The following AXDND1 variants were observed in gnomAD, a reference collection of about 807,000 sequenced individuals.
AXDND1 encodes axonemal dynein light chain domain containing 1, also known as axonemal dynein light chain domain-containing protein 1.
In AXDND1, 110 loss-of-function variants were observed where a neutral mutation model predicts 137.5. The observed-to-expected ratio is 0.80, with a 90% CI of 0.69 to 0.94. AXDND1 has a LOEUF of 0.94. AXDND1 is among the 40% of genes least tolerant of loss of function. The probability of loss-of-function intolerance (pLI) is 0.00; values close to 1 mark genes in which losing one functional copy is unlikely to be tolerated. For synonymous variants in AXDND1, 414 were observed against 399.7 expected, an observed-to-expected ratio of 1.04 and a Z score of -0.43; for missense variants, 1,191 against 1,169.8, an observed-to-expected ratio of 1.02 and a Z score of -0.26.
rs561888623 is a variant in AXDND1 at position 179,471,539 on chromosome 1, A to T, written c.1997+2898A>T. On this transcript the variant is annotated intron_variant, in intron 17 of 25. Transcript: ENST00000367618. ...TAATCCTTTTTATTTCTGAAAGAAG[A>T]TCAGTGCTAGCATCCCTTCTCTCGT... 5.9e-5 allele frequency among the ~76,000 whole-genome samples: 9 copies of T among 152,340 alleles called. No homozygotes were observed. In the South Asian group the frequency reaches 1.5e-3, roughly 25 times the overall value.
At chr1:179,390,712 C>T (rs2125123872) in intron 9 of AXDND1, among the ~76,000 whole-genome samples, 1 of 152,070 alleles carries the variant, frequency 6.6e-6, no homozygotes, top group Middle Eastern at 3.4e-3. Flanking sequence ...ATTGTTCACT[C>T]ACTTGTATGG....
At chr1:179,450,103 A>G (rs1163607182) in intron 16 of AXDND1, 2 of 145,370 alleles carry the variant, frequency 1.4e-5, no homozygotes, top group Non-Finnish European at 3.0e-5. Flanking sequence ...GCCTGGGTTC[A>G]AGCGATTCTC....
intron 16 of AXDND1, among the ~76,000 whole-genome samples, chr1:179,459,707 T>G (rs1002723588): frequency 6.8e-6 from 1 of 147,502 alleles, no homozygotes; most frequent in Non-Finnish European, 1.5e-5. Flanking sequence ...TTCTTTCCTT[T>G]CTTTCTTTTT....
chr1:179,369,896 C>T (rs1667862533), intron 3 of AXDND1, 79 bp from the exon 4 acceptor site: 1 of 1,096,424 alleles, frequency 9.1e-7, no homozygotes. Flanking sequence ...AAATACAGTA[C>T]TTACTCAAAA....
At chr1:179,549,004 A>G (rs1672922207) in intron 25 of AXDND1, 1 of 152,180 alleles carries the variant, frequency 6.6e-6, no homozygotes, top group Non-Finnish European at 1.5e-5. Flanking sequence ...AGTGTGCCAT[A>G]GACTTCTCCC....
At chr1:179,425,779 G>A (rs1656454672) in intron 12 of AXDND1, among the ~76,000 whole-genome samples, 1 of 132,066 alleles carries the variant, frequency 7.6e-6, no homozygotes, top group South Asian at 2.7e-4. Context: ...GACAGAGTTA[G>A]ACCCTGTCTC....
At chr1:179,426,026 G>A (rs1335035014) in intron 12 of AXDND1, among the ~76,000 whole-genome samples, 4 of 151,876 alleles carry the variant, frequency 2.6e-5, no homozygotes, top group Non-Finnish European at 5.9e-5. Flanking sequence ...TGGTAGAGAC[G>A]GGGTTTTACC....
Position 179,379,870 on chromosome 1 carries a change from C to A in AXDND1, c.581+388C>A, listed in dbSNP as rs113231247. On this transcript the variant is annotated intron_variant, in intron 6 of 25. Transcript: ENST00000367618. ...TTCCTCCTTCCCATACATAGAAGAACCTGAGAATAGTACACTCATATTCCT... is the reference window on the plus strand; with the variant it reads ...TTCCTCCTTCCCATACATAGAAGAAACTGAGAATAGTACACTCATATTCCT... Among the ~76,000 whole-genome samples, 603 of 150,912 alleles carry A rather than the reference C, an allele frequency of 4.0e-3. 2 individuals are homozygous for A. The highest frequency in any genetic ancestry group is 0.014 in the African/African-American group (566 of 41,086).
At chr1:179,503,036 G>A (rs971318840) in intron 20 of AXDND1, among the ~76,000 whole-genome samples, 26 of 151,744 alleles carry the variant, frequency 1.7e-4, no homozygotes, top group Middle Eastern at 3.4e-3. Context: ...CGGAGGTTGC[G>A]GTGAGGTGAG....
intron 9 of AXDND1, among the ~76,000 whole-genome samples, chr1:179,387,706 T>C (rs1463634426): frequency 6.6e-6 from 1 of 152,196 alleles, no homozygotes; most frequent in Non-Finnish European, 1.5e-5. Context: ...CAGTGCCCAA[T>C]TTAGGGCTAA....
intron 21 of AXDND1, among the ~76,000 whole-genome samples, chr1:179,519,163 A>G (rs576319409): frequency 7.2e-5 from 11 of 152,282 alleles, no homozygotes; most frequent in African/African-American, 2.6e-4. Context: ...TTTTTCTCAT[A>G]TGATTATTGG....
chr1:179,543,679 C>T (rs1672378531), intron 25 of AXDND1: 1 of 152,146 alleles, frequency 6.6e-6, no homozygotes, highest in African/African-American at 2.4e-5. Flanking sequence ...GATGTTCTTT[C>T]TCTTCTTCAC....
intron 22 of AXDND1, among the ~76,000 whole-genome samples, chr1:179,526,489 C>A (rs1192102571): frequency 2.0e-5 from 3 of 152,092 alleles, no homozygotes; most frequent in Non-Finnish European, 4.4e-5. Flanking sequence ...GGCACAAGAC[C>A]CCTTGCTAAT....
At chr1:179,411,418 C>G in intron 12 of AXDND1, 152 bp downstream of exon 12, 3 of 1,018,442 alleles carry the variant, frequency 2.9e-6, no homozygotes, top group Non-Finnish European at 4.2e-6. Context: ...GATCTCGGCT[C>G]ACTGCAACCT....
chr1:179,506,810 A>G (rs1001903843), intron 20 of AXDND1: 4 of 979,072 alleles, frequency 4.1e-6, no homozygotes, highest in Non-Finnish European at 3.6e-6. Context: ...TTGGACCACA[A>G]TAGGCTTTCT....
intron 20 of AXDND1, 118 bp downstream of exon 20, chr1:179,493,069 C>A: frequency 3.0e-6 from 2 of 656,320 alleles, no homozygotes; most frequent in Non-Finnish European, 5.0e-6. Flanking sequence ...CTTATAAGTT[C>A]TAAAATATGC....
intron 22 of AXDND1, among the ~76,000 whole-genome samples, chr1:179,527,420 T>TG (rs1009935359): frequency 5.3e-5 from 8 of 152,208 alleles, no homozygotes; most frequent in Non-Finnish European, 1.0e-4. Flanking sequence ...CTTAACCATC[T>TG]GGGGAGGCAG....
chr1:179,462,440 C>T lies in AXDND1; in HGVS notation c.1799-6003C>T, dbSNP rs571561619. ...AAGCTTTTTGATGTGCTGCTGGATTCGGTTTGCCAGTATTTTATTGAGGAT... is the reference window on the plus strand; with the variant it reads ...AAGCTTTTTGATGTGCTGCTGGATTTGGTTTGCCAGTATTTTATTGAGGAT... On this transcript the variant is annotated intron_variant, in intron 16 of 25. Transcript: ENST00000367618. Among the ~76,000 whole-genome samples, 6 of 152,176 alleles carry T rather than the reference C, an allele frequency of 3.9e-5. No individual in the cohort carries two copies. In the South Asian group the frequency reaches 6.2e-4, roughly 16 times the overall value.
intron 17 of AXDND1, among the ~76,000 whole-genome samples, chr1:179,474,849 C>T (rs549769798): frequency 1.6e-4 from 25 of 152,322 alleles, no homozygotes; most frequent in South Asian, 4.1e-4. Flanking sequence ...AGCAAGTCAG[C>T]GATCCTCAGA....
Sources: allele counts gnomAD v4.1 joint callset (sites outside exome capture counted in the v4.1 genomes callset), GRCh38; gene constraint gnomAD v4.1.1; transcripts MANE v1.5; gene names NCBI Gene and HGNC (gene_info 2026-07-23, HGNC 2026-07-21).